The following DHRSX variants were observed in gnomAD, a reference collection of about 807,000 sequenced individuals.
The protein encoded by DHRSX is dehydrogenase/reductase X-linked.
Under a neutral mutation model 34.0 loss-of-function variants are expected in DHRSX, and 31 were observed. The ratio of observed to expected loss-of-function variants is 0.91; its 90% CI spans 0.69 to 1.23. The LOEUF (loss-of-function observed/expected upper bound fraction) is 1.23, where lower values mean the gene tolerates loss of function less well. Among genes scored for constraint, DHRSX ranks in the 50% most tolerant of loss-of-function variants. DHRSX has a pLI of 0.00. For synonymous variants in DHRSX, 201 were observed against 183.8 expected (o/e 1.09, Z -0.76); for missense variants, 414 against 428.1 (o/e 0.97, Z 0.29).
At chrX:2,252,507 G>A (rs1384292299) in intron 5 of DHRSX, among the ~76,000 whole-genome samples, 1 of 152,104 alleles carries the variant, frequency 6.6e-6, no homozygotes, top group Non-Finnish European at 1.5e-5. Context: ...ACAAGCATTC[G>A]GTTCTGAATC....
intron 1 of DHRSX, among the ~76,000 whole-genome samples, chrX:2,459,674 G>C (rs2044375933): frequency 6.6e-6 from 1 of 151,530 alleles, no homozygotes; most frequent in Non-Finnish European, 1.5e-5. Context: ...TTTCCAGGCA[G>C]AAAGCAAAAC....
At chrX:2,397,147 G>A (rs1212749464) in intron 3 of DHRSX, among the ~76,000 whole-genome samples, 6 of 151,560 alleles carry the variant, frequency 4.0e-5, no homozygotes, top group African/African-American at 7.3e-5. Context: ...CTCCAGGCAC[G>A]CACACCACGC....
At chrX:2,459,724 T>C (rs1329026625) in intron 1 of DHRSX, among the ~76,000 whole-genome samples, 2 of 151,936 alleles carry the variant, frequency 1.3e-5, no homozygotes, top group Non-Finnish European at 2.9e-5. Flanking sequence ...TATTTAACGG[T>C]GTCTCCTCTT....
At chrX:2,276,044 G>A (rs184664791) in intron 4 of DHRSX, among the ~76,000 whole-genome samples, 5 of 152,060 alleles carry the variant, frequency 3.3e-5, no homozygotes, top group South Asian at 4.2e-4. Context: ...GGATTTCACC[G>A]TGTTGGCCAG....
intron 1 of DHRSX, among the ~76,000 whole-genome samples, chrX:2,467,975 A>G (rs973304776): frequency 7.0e-6 from 1 of 143,370 alleles, no homozygotes. Context: ...AAAAAAAAAA[A>G]AAAAATGTTG....
At chrX:2,387,450 T>C (rs2043284872) in intron 3 of DHRSX, among the ~76,000 whole-genome samples, 1 of 152,028 alleles carries the variant, frequency 6.6e-6, no homozygotes, top group Non-Finnish European at 1.5e-5. Flanking sequence ...CCAGCCCAAG[T>C]CCCAAAGCTG....
chrX:2,240,524 A>C (rs373791964), intron 6 of DHRSX, among the ~76,000 whole-genome samples: 1 of 151,348 alleles, frequency 6.6e-6, no homozygotes, highest in East Asian at 2.0e-4. Context: ...AAGCTCATTA[A>C]TTCCAAAGCT....
chrX:2,243,331 C>A, intron 5 of DHRSX, 101 bp from the exon 6 acceptor site: 1 of 969,468 alleles, frequency 1.0e-6, no homozygotes, highest in East Asian at 2.6e-5. Context: ...CACGTCTATA[C>A]GCAGCCACCT....
chrX:2,396,167 G>A (rs1443177412), intron 3 of DHRSX, among the ~76,000 whole-genome samples: 1 of 151,844 alleles, frequency 6.6e-6, no homozygotes, highest in African/African-American at 2.4e-5. Flanking sequence ...CTCCTCTCCT[G>A]TCTCCTACAA....
rs1275249151 is a variant in DHRSX at position 2,362,445 on chromosome X, C to T, written c.286+46300G>A. On this transcript the variant is annotated intron_variant, in intron 3 of 6. Transcript: ENST00000334651. The stretch of plus-strand genomic sequence containing the variant: ...CCTCCCAAGTAGCTGGGATTACAGG[C>T]GCCCACCACCATATGCCACTAATTT... Among the ~76,000 whole-genome samples, 5 of 152,256 alleles carry T rather than the reference C, an allele frequency of 3.3e-5. No individual in the cohort carries two copies. In the East Asian group the frequency reaches 5.8e-4, roughly 18 times the overall value.
intron 3 of DHRSX, among the ~76,000 whole-genome samples, chrX:2,312,610 A>T (rs1176237355): frequency 6.6e-6 from 1 of 152,098 alleles, no homozygotes; most frequent in Non-Finnish European, 1.5e-5. Flanking sequence ...GCATTAGGAC[A>T]AATACCTAAT....
At chrX:2,289,140 AAC>A (rs1231414981) in intron 4 of DHRSX, among the ~76,000 whole-genome samples, 1 of 150,960 alleles carries the variant, frequency 6.6e-6, no homozygotes, top group Non-Finnish European at 1.5e-5. Flanking sequence ...TTTTTTTTGA[AAC>A]AGTCTTGCTC....
At chrX:2,403,739 C>A (rs745622677) in intron 3 of DHRSX, among the ~76,000 whole-genome samples, 1 of 151,884 alleles carries the variant, frequency 6.6e-6, no homozygotes, top group South Asian at 2.1e-4. Context: ...GTCTGTGATC[C>A]CAGTTACTCG....
At chrX:2,243,798 T>TTTTTTTTTTTG (rs2016208365) in intron 5 of DHRSX, among the ~76,000 whole-genome samples, 1 of 93,822 alleles carries the variant, frequency 1.1e-5, no homozygotes, top group East Asian at 3.5e-4. Context: ...GTTTTTTTTT[T>TTTTTTTTTTTG]TTTTTTTTTT....
chrX:2,267,085 G>A (rs1237734879), intron 4 of DHRSX, 138 bp from the exon 5 acceptor site: 1 of 800,176 alleles, frequency 1.2e-6, no homozygotes, highest in Non-Finnish European at 2.1e-6. Context: ...TCTTCCTCCT[G>A]GGCCTCTGTT....
At chrX:2,243,768 C>A (rs112613256) in intron 5 of DHRSX, among the ~76,000 whole-genome samples, 19,232 of 138,658 alleles carry the variant, frequency 0.14, 1,777 homozygotes, top group Admixed American at 0.21. Context: ...GGATTACAGG[C>A]AGGAGCCACT....
chrX:2,432,289 CAA>C (rs1168116369), intron 1 of DHRSX, among the ~76,000 whole-genome samples: 1 of 151,850 alleles, frequency 6.6e-6, no homozygotes, highest in Non-Finnish European at 1.5e-5. Flanking sequence ...CAGAATGACC[CAA>C]GTCAATATGC....
chrX:2,497,245 G>A lies in DHRSX; in HGVS notation c.109+3572C>T, dbSNP rs181681254. ...CCCCATCTCACTAAAAATACAAAAT[G>A]AGCCAGGCATGGTGGCACATGCCTG... On this transcript the variant is annotated intron_variant, in intron 1 of 6. Coordinates refer to ENST00000334651, the MANE Select transcript of DHRSX (RefSeq NM_145177.3). Among the ~76,000 whole-genome samples the A allele has an allele frequency of 3.2e-3, 480 of 152,148 alleles. 2 individuals carry two copies. The highest frequency in any genetic ancestry group is 0.011 in the African/African-American group (465 of 41,498).
intron 3 of DHRSX, among the ~76,000 whole-genome samples, chrX:2,371,527 C>CGTTACCATAGTCCGTCCTTCT (rs376554913): frequency 1.5e-5 from 2 of 135,700 alleles, no homozygotes; most frequent in South Asian, 2.2e-4. Context: ...GCCCCTCCTC[C>CGTTACCATAGTCCGTCCTTCT]GTTACCATAG....
Sources: allele counts gnomAD v4.1 joint callset (sites outside exome capture counted in the v4.1 genomes callset), GRCh38; gene constraint gnomAD v4.1.1; transcripts MANE v1.5; gene names NCBI Gene and HGNC (gene_info 2026-07-23, HGNC 2026-07-21).